PJA2: variants seen among roughly 807,000 people sequenced by gnomAD.
The protein encoded by PJA2 is praja ring finger ubiquitin ligase 2, also known as E3 ubiquitin-protein ligase Praja-2.
In PJA2, 25 loss-of-function variants were observed where a neutral mutation model predicts 69.3. That is an observed-to-expected ratio of 0.36 (90% CI 0.26 to 0.50). The LOEUF is 0.50. PJA2 is among the 20% of genes least tolerant of loss of function. The pLI is 0.96. For missense variants in PJA2, 809 were observed against 830.2 expected, an observed-to-expected ratio of 0.97 and a Z score of 0.31; for synonymous variants, 308 against 277.8, an observed-to-expected ratio of 1.11 and a Z score of -1.08.
At chr5:109,368,437 CAG>C in intron 5 of PJA2, 122 bp downstream of exon 5, 1 of 733,450 alleles carries the variant, frequency 1.4e-6, no homozygotes, top group Non-Finnish European at 2.1e-6. Flanking sequence ...ATGAAAAAAT[CAG>C]GGGGGCCTAC....
chr5:109,352,766 G>A (rs1225167478), intron 7 of PJA2, among the ~76,000 whole-genome samples: 3 of 151,508 alleles, frequency 2.0e-5, no homozygotes, highest in Non-Finnish European at 4.4e-5. Context: ...CAGATGGACA[G>A]ATATCTAATA....
intron 9 of PJA2, 54 bp from the exon 10 acceptor site, chr5:109,337,410 A>G (rs1761967107): frequency 6.6e-7 from 1 of 1,516,014 alleles, no homozygotes; most frequent in Middle Eastern, 1.8e-4. Flanking sequence ...CTGCCACACA[A>G]GTAACTTAAT....
intron 7 of PJA2, among the ~76,000 whole-genome samples, chr5:109,347,159 G>A (rs1227131063): frequency 6.6e-6 from 1 of 152,218 alleles, no homozygotes. Context: ...CTCTGGATAT[G>A]CAGAGAAACA....
intron 2 of PJA2, 65 bp from the exon 3 acceptor site, chr5:109,381,768 G>A: frequency 7.5e-7 from 1 of 1,335,714 alleles, no homozygotes. Flanking sequence ...AACCTGTTGG[G>A]GAAAACTACT....
intron 1 of PJA2, among the ~76,000 whole-genome samples, chr5:109,387,881 T>C (rs1387837629): frequency 1.3e-5 from 2 of 152,330 alleles, no homozygotes; most frequent in East Asian, 3.9e-4. Flanking sequence ...TCTGACAGTA[T>C]ATTTAAACAG....
chr5:109,340,476 G>A (rs997209774), intron 9 of PJA2, among the ~76,000 whole-genome samples: 3 of 151,846 alleles, frequency 2.0e-5, no homozygotes, highest in Non-Finnish European at 4.4e-5. Flanking sequence ...TTCCTAAGTA[G>A]ATAATTTGGG....
intron 9 of PJA2, among the ~76,000 whole-genome samples, chr5:109,341,574 C>T (rs1293754850): frequency 6.5e-5 from 9 of 138,956 alleles, no homozygotes; most frequent in Admixed American, 6.2e-4. Flanking sequence ...CCCCGCCCGG[C>T]CAGCCGCCCC....
At chr5:109,344,143 A>G (rs924034205) in intron 9 of PJA2, 47 bp downstream of exon 9, 1 of 1,224,650 alleles carries the variant, frequency 8.2e-7, no homozygotes, top group Non-Finnish European at 1.1e-6. Context: ...CACTTGCAGA[A>G]GACACTATTA....
intron 7 of PJA2, among the ~76,000 whole-genome samples, chr5:109,345,727 C>CA (rs1246232669): frequency 3.3e-5 from 5 of 152,146 alleles, no homozygotes. Flanking sequence ...GCAAATAATG[C>CA]ACTCCTGAAT....
At chr5:109,342,481 T>A (rs1286469718) in intron 9 of PJA2, among the ~76,000 whole-genome samples, 2 of 91,992 alleles carry the variant, frequency 2.2e-5, no homozygotes, top group African/African-American at 8.9e-5. Flanking sequence ...GGTGGGGGGG[T>A]CAGCCCCCCG....
rs536020838 is a variant in PJA2, at chr5:109,382,404, G to A, written c.32-701C>T. ...AGTTTTGTTGACTGAGGGGTATACA[G>A]TAGTAAACAGCAGCAACTTTCACTA... On this transcript the variant is annotated intron_variant, in intron 2 of 9. Transcript: ENST00000361189. Among the ~76,000 whole-genome samples, 3 of 152,292 alleles carry A rather than the reference G, an allele frequency of 2.0e-5. No individual in the cohort carries two copies. The South Asian group carries it at 6.2e-4, about 32-fold the overall frequency.
Position 109,368,637 on chromosome 5 carries a change from C to A in PJA2, c.1393G>T (p.Asp465Tyr). The A allele has an allele frequency of 6.2e-7, 1 of 1,614,158 alleles. No individual in the cohort carries two copies. ...DESWETLPGK[D>Y]ENEPELQSDS... ...CTTTGTAGCTCAGGTTCATTCTCATCTTTTCCTGGCAGAGTCTCCCAGCTT... is the reference window on the plus strand; with the variant it reads ...CTTTGTAGCTCAGGTTCATTCTCATATTTTCCTGGCAGAGTCTCCCAGCTT... Residue 465 changes from aspartate (D) to tyrosine (Y), a missense_variant, in exon 5 of 10, where the codon GAT (aspartate) becomes TAT (tyrosine). Coordinates refer to ENST00000361189, the MANE Select transcript of PJA2 (RefSeq NM_014819.5).
At chr5:109,338,619 A>G (rs1761986548) in intron 9 of PJA2, among the ~76,000 whole-genome samples, 1 of 146,062 alleles carries the variant, frequency 6.8e-6, no homozygotes, top group South Asian at 2.2e-4. Flanking sequence ...CCTGGGCAAC[A>G]GAGTGAAACT....
chr5:109,366,138 C>T (rs1762582171), intron 5 of PJA2, among the ~76,000 whole-genome samples: 1 of 152,094 alleles, frequency 6.6e-6, no homozygotes, highest in Non-Finnish European at 1.5e-5. Context: ...GAATGAAATA[C>T]ATCATTCTGA....
intron 2 of PJA2, 23 bp downstream of exon 2, chr5:109,383,380 G>A (rs1324378189): frequency 3.7e-6 from 6 of 1,611,224 alleles, no homozygotes; most frequent in Non-Finnish European, 4.2e-6. Context: ...AGTACTCAAT[G>A]TAGAAGAACT....
At chr5:109,347,892 T>G (rs1479057276) in intron 7 of PJA2, among the ~76,000 whole-genome samples, 4 of 152,216 alleles carry the variant, frequency 2.6e-5, no homozygotes, top group Non-Finnish European at 5.9e-5. Context: ...CCTGTTCAAA[T>G]TACTGTATTT....
rs866330278 is a variant in PJA2 at position 109,337,462 on chromosome 5, A to G, written c.2002-106T>C. The G allele has an allele frequency of 1.1e-4, 140 of 1,244,006 alleles. 2 individuals are homozygous for G. Among genetic ancestry groups the G allele is most frequent in the Middle Eastern group, 1.0e-3 (5 of 4,898 alleles). The allele number at this position is 1,244,006 out of a possible 1,614,324, so 77.1% of individuals were successfully genotyped here. ...CATTATCCTAATAATAAGACTCTTA[A>G]CAACAAAAAACAAACTTCAAATCCA... On this transcript the variant is annotated intron_variant, in intron 9 of 9. Coordinates refer to ENST00000361189, the MANE Select transcript of PJA2 (RefSeq NM_014819.5).
intron 7 of PJA2, among the ~76,000 whole-genome samples, chr5:109,349,589 T>G (rs1762217790): frequency 6.6e-6 from 1 of 152,124 alleles, no homozygotes; most frequent in South Asian, 2.1e-4. Flanking sequence ...CTCAGCACCC[T>G]AAGAGAGCTG....
At chr5:109,337,785 A>G (rs1321255532) in intron 9 of PJA2, among the ~76,000 whole-genome samples, 1 of 151,942 alleles carries the variant, frequency 6.6e-6, no homozygotes, top group East Asian at 1.9e-4. Context: ...ACCTACTTTA[A>G]TTCACACCAA....
Sources: gnomAD v4.1 joint callset for allele counts (sites outside exome capture counted in the v4.1 genomes callset) on GRCh38, gnomAD v4.1.1 for gene constraint, MANE v1.5 for transcripts, NCBI Gene and HGNC (gene_info 2026-07-23, HGNC 2026-07-21) for gene names.